Variants in EPHA6 observed in about 807,000 individuals in gnomAD.
EPHA6 encodes EPH receptor A6.
Under a neutral mutation model 112.0 loss-of-function variants are expected in EPHA6, and 50 were observed. The observed-to-expected ratio is 0.45, with a 90% CI of 0.36 to 0.56. The LOEUF (loss-of-function observed/expected upper bound fraction) is 0.56. Among genes scored for constraint, EPHA6 ranks in the 20% least tolerant of loss-of-function variants. The pLI is 0.00. For synonymous variants in EPHA6, 529 were observed against 490.7 expected (o/e 1.08, Z -1.03); for missense variants, 1,280 against 1,417.4 (o/e 0.90, Z 1.56).
intron 10 of EPHA6, among the ~76,000 whole-genome samples, chr3:97,526,287 C>G (rs1206473942): frequency 6.6e-6 from 1 of 152,236 alleles, no homozygotes; most frequent in Non-Finnish European, 1.5e-5. Flanking sequence ...GACCTAAATC[C>G]AGTGCCATTT....
chr3:97,447,735 G>C (rs935204761), intron 6 of EPHA6: 332 of 1,011,936 alleles, frequency 3.3e-4, no homozygotes, highest in Non-Finnish European at 3.7e-4. Context: ...AGAATGCCCT[G>C]GCAAGTTCAC....
At position 97,532,369 on chromosome 3, in the gene EPHA6, G is replaced by C. The variant is rs1313127331; in HGVS notation, c.2212G>C (p.Glu738Gln). Reference protein sequence around the residue: ...ERVIGAGEFGEVCSGRLKTPG... With the variant: ...ERVIGAGEFGQVCSGRLKTPG... ...GTTCATATTTTAAGGTGAATTTGGAGAAGTCTGTAGTGGGCGTTTGAAGAC... is the reference window on the plus strand; with the variant it reads ...GTTCATATTTTAAGGTGAATTTGGACAAGTCTGTAGTGGGCGTTTGAAGAC... The change falls in exon 11 of 18, where the codon GAA becomes CAA. Residue 738 changes from glutamate to glutamine, a missense_variant. This residue lies in a region of EPHA6 where 878 missense variants were observed against 999.7 expected (regional missense o/e 0.88). Coordinates refer to ENST00000389672, the MANE Select transcript of EPHA6 (RefSeq NM_001080448.3). 1 of 1,595,790 alleles carries C rather than the reference G, an allele frequency of 6.3e-7. No homozygotes were observed. Among genetic ancestry groups the C allele is most frequent in the Non-Finnish European group, 8.5e-7 (1 of 1,173,990 alleles).
At chr3:97,709,239 G>T (rs372847697) in intron 14 of EPHA6, among the ~76,000 whole-genome samples, 54 of 152,246 alleles carry the variant, frequency 3.5e-4, no homozygotes, top group African/African-American at 1.3e-3. Flanking sequence ...AGTCACAGGG[G>T]CAGAGCTGCC....
At chr3:97,431,815 G>T (rs1031128858) in intron 6 of EPHA6, among the ~76,000 whole-genome samples, 1 of 152,102 alleles carries the variant, frequency 6.6e-6, no homozygotes, top group Non-Finnish European at 1.5e-5. Flanking sequence ...TTGTTGGTTA[G>T]CACAGGAATG....
chr3:97,154,635 C>T (rs1223492589), intron 3 of EPHA6, among the ~76,000 whole-genome samples: 1 of 152,124 alleles, frequency 6.6e-6, no homozygotes, highest in African/African-American at 2.4e-5. Context: ...CTTCCTCCAC[C>T]TTTAAAAACA....
At position 97,751,115 on chromosome 3, in the gene EPHA6, A is replaced by C. The variant is rs2035890180; in HGVS notation, c.*2414A>C. Among the ~76,000 whole-genome samples, 1 of 152,142 alleles carries C rather than the reference A, an allele frequency of 6.6e-6. No individual in the cohort carries two copies. Among genetic ancestry groups the C allele is most frequent in the African/African-American group, 2.4e-5 (1 of 41,454 alleles). On this transcript the variant is annotated 3_prime_UTR_variant, in exon 18 of 18. Transcript: ENST00000389672. ...TATAATACAAAAAAGGTATTTAGGAAAATAAGGAATAGAATAATATGGTCT... is the reference window on the plus strand; with the variant it reads ...TATAATACAAAAAAGGTATTTAGGACAATAAGGAATAGAATAATATGGTCT...
At chr3:97,711,019 T>C (rs2033939901) in intron 14 of EPHA6, among the ~76,000 whole-genome samples, 1 of 152,212 alleles carries the variant, frequency 6.6e-6, no homozygotes, top group Admixed American at 6.5e-5. Flanking sequence ...GTCAGCGATA[T>C]GGTTTGGCTG....
In EPHA6 at chr3:96,987,865, C is replaced by G; in HGVS notation, c.986C>G (p.Ser329Cys). The change falls in exon 3 of 18, where the codon TCT becomes TGT. Residue 329 changes from serine (S) to cysteine (C), a missense_variant. Ser to Cys is a moderately radical substitution (Grantham distance 112). This residue lies in a region of EPHA6 where 878 missense variants were observed against 999.7 expected (regional missense o/e 0.88). Transcript: ENST00000389672. Reference protein sequence around the residue: ...DSSSLVEVRGSCVKSAEERDT... With the variant: ...DSSSLVEVRGCCVKSAEERDT... ...TCCTCTTTGGTTGAAGTACGGGGTTCTTGTGTGAAGAGTGCTGAAGAGCGT... is the reference window on the plus strand; with the variant it reads ...TCCTCTTTGGTTGAAGTACGGGGTTGTTGTGTGAAGAGTGCTGAAGAGCGT... 3.1e-6 allele frequency: 5 copies of G among 1,613,750 alleles called. No individual in the cohort carries two copies. The highest frequency in any genetic ancestry group is 4.2e-6 in the Non-Finnish European group (5 of 1,179,836).
At chr3:97,678,708 T>C (rs2031610760) in intron 14 of EPHA6, among the ~76,000 whole-genome samples, 1 of 152,180 alleles carries the variant, frequency 6.6e-6, no homozygotes, top group African/African-American at 2.4e-5. Flanking sequence ...AGAACTCTAA[T>C]AGTTTTGCTT....
chr3:97,632,615 T>C (rs1343372448), intron 13 of EPHA6, among the ~76,000 whole-genome samples: 1 of 151,860 alleles, frequency 6.6e-6, no homozygotes, highest in African/African-American at 2.4e-5. Flanking sequence ...GAAGAGATAA[T>C]ACGAGTCACA....
At position 97,106,017 on chromosome 3, in the gene EPHA6, C is replaced by T. The variant is rs1257424402; in HGVS notation, c.1114+118024C>T. On this transcript the variant is annotated intron_variant, in intron 3 of 17. Transcript: ENST00000389672. ...GTTTGCTTGGCAGATTTTCCATGAT[C>T]CCTTTGTTTTGAGCCTAAGGGTGTT... 2.0e-5 allele frequency among the ~76,000 whole-genome samples: 3 copies of T among 151,970 alleles called. No homozygotes were observed. In the East Asian group the frequency reaches 5.8e-4, roughly 29 times the overall value.
intron 7 of EPHA6, among the ~76,000 whole-genome samples, chr3:97,467,753 C>G (rs1219537857): frequency 6.6e-6 from 1 of 151,612 alleles, no homozygotes; most frequent in African/African-American, 2.4e-5. Flanking sequence ...AGGATGTTGA[C>G]CGTAGTTTCA....
chr3:97,368,118 A>G lies in EPHA6; in HGVS notation c.1607-37032A>G, dbSNP rs569962908. 2.2e-3 allele frequency among the ~76,000 whole-genome samples: 332 copies of G among 152,326 alleles called. 3 individuals are homozygous for G. The highest frequency in any genetic ancestry group is 7.7e-3 in the African/African-American group (321 of 41,590). On this transcript the variant is annotated intron_variant, in intron 5 of 17. Coordinates refer to ENST00000389672, the MANE Select transcript of EPHA6 (RefSeq NM_001080448.3). ...CACTGAACCCATCTGGAATATTGCA[A>G]GCCTTTCCCTAATAATATTATAAAG... is the stretch of plus-strand genomic sequence containing the variant.
intron 14 of EPHA6, among the ~76,000 whole-genome samples, chr3:97,642,148 C>A (rs1576174952): frequency 8.0e-6 from 1 of 125,056 alleles, no homozygotes; most frequent in Non-Finnish European, 1.7e-5. Context: ...CCCCGAGCAG[C>A]CTAACTGGGA....
At position 96,987,454 on chromosome 3, in the gene EPHA6, A is replaced by C. The variant is rs375049114; in HGVS notation, c.575A>C (p.Gln192Pro). ...AACTGGATCTCCCGTGATGCAGCTC[A>C]GAAAATTTATGTGGAAATGAAATTC... is the stretch of plus-strand genomic sequence containing the variant. ...RTNWISRDAAQKIYVEMKFTL... is the reference protein window; with the variant it reads ...RTNWISRDAAPKIYVEMKFTL... The change falls in exon 3 of 18, where the codon CAG (glutamine) becomes CCG (proline). Residue 192 changes from glutamine (Q) to proline (P), a missense_variant. Physicochemically the swap from Gln to Pro is moderately conservative, Grantham distance 76. Transcript: ENST00000389672. 28 of 1,613,874 alleles carry C rather than the reference A, an allele frequency of 1.7e-5. No homozygotes were observed. In the African/African-American group the frequency reaches 3.3e-4, roughly 19 times the overall value.
chr3:96,914,060 A>G (rs777154112), intron 2 of EPHA6, among the ~76,000 whole-genome samples: 1 of 152,162 alleles, frequency 6.6e-6, no homozygotes, highest in Non-Finnish European at 1.5e-5. Context: ...CAACTTAAAA[A>G]TATTTTTCAT....
chr3:97,223,104 A>T (rs2078254330), intron 3 of EPHA6, among the ~76,000 whole-genome samples: 1 of 152,188 alleles, frequency 6.6e-6, no homozygotes, highest in African/African-American at 2.4e-5. Flanking sequence ...ATTAAAGGAG[A>T]TCTTTGGCAA....
At chr3:97,696,182 G>A (rs146952799) in intron 14 of EPHA6, among the ~76,000 whole-genome samples, 127 of 152,262 alleles carry the variant, frequency 8.3e-4, no homozygotes, top group African/African-American at 2.8e-3. Flanking sequence ...GGTCTCATGA[G>A]CTAGTCATTC....
intron 3 of EPHA6, among the ~76,000 whole-genome samples, chr3:97,069,952 G>C (rs2046302354): frequency 6.6e-6 from 1 of 152,044 alleles, no homozygotes; most frequent in African/African-American, 2.4e-5. Context: ...CTGTTTCTCT[G>C]ACATCCCTAG....
Sources: gnomAD v4.1 joint callset for allele counts (sites outside exome capture counted in the v4.1 genomes callset) on GRCh38, gnomAD v4.1.1 for gene constraint, gnomAD v4.1.1 regional missense constraint, MANE v1.5 for transcripts, NCBI Gene and HGNC (gene_info 2026-07-23, HGNC 2026-07-21) for gene names.